The following SLC15A1 variants were observed in gnomAD, a reference collection of about 807,000 sequenced individuals.
SLC15A1 encodes Caco-2 oligopeptide transporter.
A neutral mutation model predicts 92.9 loss-of-function variants in SLC15A1; 83 were observed. That is an observed-to-expected ratio of 0.89 (90% CI 0.75 to 1.07). The LOEUF (loss-of-function observed/expected upper bound fraction) is 1.07, where lower values mean the gene tolerates loss of function less well. SLC15A1 is among the 50% of genes least tolerant of loss of function. SLC15A1 has a pLI of 0.00. For missense variants in SLC15A1, 857 were observed against 880.1 expected, an observed-to-expected ratio of 0.97 and a Z score of 0.33; for synonymous variants, 322 against 318.2, an observed-to-expected ratio of 1.01 and a Z score of -0.13.
chr13:98,709,611 A>G lies in SLC15A1; in HGVS notation c.1028T>C (p.Val343Ala). Residue 343 changes from valine to alanine, a missense_variant, in exon 14 of 23, where the codon GTG becomes GCG. By Grantham distance (64) the Val-to-Ala change is moderately conservative. Transcript: ENST00000376503. ...IVIMVPIFDAVLYPLIAKCGF... is the reference protein window; with the variant it reads ...IVIMVPIFDAALYPLIAKCGF... ...ACATTTTGCAATGAGAGGGTACAGC[A>G]CAGCATCGAAGATCGGGACCATGAT... 2 of 1,614,232 alleles carry G rather than the reference A, an allele frequency of 1.2e-6. No homozygotes were observed. The highest frequency in any genetic ancestry group is 1.7e-6 in the Non-Finnish European group (2 of 1,180,046).
chr13:98,740,711 G>A (rs2088437075), intron 1 of SLC15A1, among the ~76,000 whole-genome samples: 1 of 152,102 alleles, frequency 6.6e-6, no homozygotes, highest in Non-Finnish European at 1.5e-5. Flanking sequence ...TAAAGCATGT[G>A]CCACTTCAAA....
chr13:98,687,462 C>G (rs17575153), intron 21 of SLC15A1, 119 bp downstream of exon 21: 19,247 of 1,206,228 alleles, frequency 0.016, 263 homozygotes, highest in South Asian at 0.043. Flanking sequence ...GGGAAGATAC[C>G]ATAATGCTTT....
intron 15 of SLC15A1, among the ~76,000 whole-genome samples, chr13:98,706,462 C>T (rs1433195620): frequency 6.6e-6 from 1 of 152,166 alleles, no homozygotes; most frequent in Non-Finnish European, 1.5e-5. Flanking sequence ...TATGGTTTGG[C>T]TGGGTCCCCA....
rs146520805 is a variant in SLC15A1, at chr13:98,746,950, G to T, written c.4+5645C>A. Among the ~76,000 whole-genome samples the T allele has an allele frequency of 4.6e-5, 7 of 152,164 alleles. No individual in the cohort carries two copies. The East Asian group carries it at 1.4e-3, about 29-fold the overall frequency. On this transcript the variant is annotated intron_variant, in intron 1 of 22. Transcript: ENST00000376503. ...GGCTGTGGCACTTCCCAACGGCTGA[G>T]CCTGTGCTTTAACTGTGTTCTCATA...
At position 98,688,264 on chromosome 13, in the gene SLC15A1, T is replaced by A; in HGVS notation, c.1667A>T (p.Tyr556Phe). 1 of 1,611,726 alleles carries A rather than the reference T, an allele frequency of 6.2e-7. No individual in the cohort carries two copies. The highest frequency in any genetic ancestry group is 1.1e-5 in the South Asian group (1 of 90,896). ...GTTACTAACCTTCCTTTGGACTATA[T>A]AGGTATAAGCACTACCAAATTCAAG... ...FYLEFGSAYTYIVQRKNDSCP... is the reference protein window; with the variant it reads ...FYLEFGSAYTFIVQRKNDSCP... Residue 556 changes from tyrosine (Y) to phenylalanine (F), a missense_variant, in exon 20 of 23, where the codon TAT becomes TTT. Tyr to Phe is a conservative substitution (Grantham distance 22, BLOSUM62 3). Coordinates refer to ENST00000376503, the MANE Select transcript of SLC15A1 (RefSeq NM_005073.4).
chr13:98,742,448 A>G (rs2139610626), intron 1 of SLC15A1, among the ~76,000 whole-genome samples: 1 of 152,232 alleles, frequency 6.6e-6, no homozygotes, highest in East Asian at 1.9e-4. Context: ...TTGGGTGTCC[A>G]TGGCTCCAGC....
At chr13:98,726,908 T>G (rs752580256) in intron 1 of SLC15A1, 49 bp from the exon 2 acceptor site, 1 of 1,598,454 alleles carries the variant, frequency 6.3e-7, no homozygotes, top group Non-Finnish European at 8.6e-7. Flanking sequence ...ATTACAATAG[T>G]TTTTGCTGTG....
At chr13:98,701,429 T>C (rs1185416032) in intron 18 of SLC15A1, among the ~76,000 whole-genome samples, 1 of 152,128 alleles carries the variant, frequency 6.6e-6, no homozygotes, top group Non-Finnish European at 1.5e-5. Flanking sequence ...TGAGCTTCTT[T>C]TGGTACAGTC....
At chr13:98,690,339 G>A (rs1441635145) in intron 18 of SLC15A1, among the ~76,000 whole-genome samples, 1 of 152,178 alleles carries the variant, frequency 6.6e-6, no homozygotes, top group East Asian at 1.9e-4. Flanking sequence ...TTTGATAGCT[G>A]ATTAATATGG....
intron 11 of SLC15A1, among the ~76,000 whole-genome samples, chr13:98,710,808 C>CAAAA (rs4646225): frequency 2.0e-4 from 14 of 71,652 alleles, no homozygotes; most frequent in African/African-American, 4.5e-4. Context: ...ACTCTTGACT[C>CAAAA]AAAAAAAAAA....
In SLC15A1 at chr13:98,709,941, T is replaced by C. The variant is rs780704929; in HGVS notation, c.901-30A>G. ...AAAATGAATACATTTGCTGTATTATTTGGGGATGTGGGTTTTTAAAATTTT... is the reference window on the plus strand; with the variant it reads ...AAAATGAATACATTTGCTGTATTATCTGGGGATGTGGGTTTTTAAAATTTT... On this transcript the variant is annotated intron_variant, in intron 11 of 22. Coordinates refer to ENST00000376503, the MANE Select transcript of SLC15A1 (RefSeq NM_005073.4). 7 of 1,612,730 alleles carry C rather than the reference T, an allele frequency of 4.3e-6. No homozygotes were observed. The Admixed American group carries it at 1.2e-4, about 27-fold the overall frequency.
chr13:98,726,563 G>A, intron 2 of SLC15A1, 114 bp from the exon 3 acceptor site: 2 of 928,318 alleles, frequency 2.2e-6, no homozygotes, highest in Non-Finnish European at 3.5e-6. Context: ...ACTTACCGGT[G>A]ACTGTCTAGA....
chr13:98,726,263 T>C lies in SLC15A1; in HGVS notation c.105A>G (p.Ala35=). 2 of 1,614,106 alleles carry C rather than the reference T, an allele frequency of 1.2e-6. No homozygotes were observed. The highest frequency in any genetic ancestry group is 1.7e-6 in the Non-Finnish European group (2 of 1,180,014). Residue 35 remains alanine (A), a splice_region_variant and synonymous_variant, in exon 4 of 23, where the codon GCA becomes GCG. Transcript: ENST00000376503. Reference sequence around the variant, plus strand: ...AATTTGTGAAGTACAGAATCAGGATTGCTTTTGCAGAGGGCAGGTGGAAGA... The same window carrying C: ...AATTTGTGAAGTACAGAATCAGGATCGCTTTTGCAGAGGGCAGGTGGAAGA... ...CERFSYYGMR[A]ILILYFTNFI...
rs148740627 is a variant in SLC15A1 at position 98,718,984 on chromosome 13, G to C, written c.640+253C>G. On this transcript the variant is annotated intron_variant, in intron 8 of 22. Transcript: ENST00000376503. ...ACCTTCATCTTAATCTGCCTAAATA[G>C]TATTACACCTTTCAATGACCAACTC... is the stretch of plus-strand genomic sequence containing the variant. Among the ~76,000 whole-genome samples, 980 of 152,242 alleles carry C rather than the reference G, an allele frequency of 6.4e-3. 14 individuals are homozygous for C. Among genetic ancestry groups the C allele is most frequent in the African/African-American group, 0.022 (924 of 41,544 alleles).
At chr13:98,693,342 C>G (rs1429250630) in intron 18 of SLC15A1, among the ~76,000 whole-genome samples, 1 of 152,156 alleles carries the variant, frequency 6.6e-6, no homozygotes. Flanking sequence ...AGGTGACCTG[C>G]TCACATTGGC....
intron 9 of SLC15A1, among the ~76,000 whole-genome samples, chr13:98,715,485 C>G (rs2088205515): frequency 6.6e-6 from 1 of 152,106 alleles, no homozygotes; most frequent in African/African-American, 2.4e-5. Flanking sequence ...TTTTCTTACT[C>G]TTAATTCTTG....
intron 5 of SLC15A1, 61 bp downstream of exon 5, chr13:98,723,849 CTT>C: frequency 6.2e-7 from 1 of 1,606,742 alleles, no homozygotes. Flanking sequence ...AAGACGAAGA[CTT>C]AAGGCATCAA....
At chr13:98,688,037 T>A (rs1008840448) in intron 20 of SLC15A1, among the ~76,000 whole-genome samples, 8 of 152,222 alleles carry the variant, frequency 5.3e-5, no homozygotes, top group Non-Finnish European at 1.0e-4. Context: ...TTAACATAAA[T>A]TATTATCCAG....
intron 7 of SLC15A1, chr13:98,720,717 T>C (rs925838455): frequency 3.1e-5 from 7 of 225,406 alleles, no homozygotes; most frequent in African/African-American, 1.6e-4. Context: ...TCTGAGCAGT[T>C]CTTTTGGAAA....
Sources: gnomAD v4.1 joint callset for allele counts (sites outside exome capture counted in the v4.1 genomes callset) on GRCh38, gnomAD v4.1.1 for gene constraint, MANE v1.5 for transcripts, NCBI Gene and HGNC (gene_info 2026-07-23, HGNC 2026-07-21) for gene names.